TBC1D21: variants seen among roughly 807,000 people sequenced by gnomAD.
The protein encoded by TBC1D21 is male germ cell Rab GTPase-activating protein.
TBC1D21 carries 38 observed loss-of-function variants against 46.0 expected under a neutral mutation model. The ratio of observed to expected loss-of-function variants is 0.83; its 90% CI spans 0.64 to 1.08. TBC1D21 has a LOEUF of 1.08. TBC1D21 is among the 50% of genes least tolerant of loss of function. The pLI is 0.00. For synonymous variants in TBC1D21, 151 were observed against 157.2 expected (o/e 0.96, Z 0.29); for missense variants, 415 against 417.9 (o/e 0.99, Z 0.06).
downstream of TBC1D21, among the ~76,000 whole-genome samples, chr15:73,893,960 C>G (rs1184552419): frequency 1.3e-5 from 2 of 152,214 alleles, no homozygotes; most frequent in African/African-American, 4.8e-5. Flanking sequence ...TGTTCCACGC[C>G]TTGTGCTAAG....
chr15:73,889,320 A>T (rs966435823), downstream of TBC1D21: 1 of 551,766 alleles, frequency 1.8e-6, no homozygotes, highest in South Asian at 2.1e-5. Flanking sequence ...TGAGAGACAC[A>T]TTCTGAGACT....
At chr15:73,884,704 G>A (rs537052649) in intron 4 of TBC1D21, 77 bp from the exon 5 acceptor site, 4 of 1,021,080 alleles carry the variant, frequency 3.9e-6, no homozygotes, top group South Asian at 2.9e-5. Context: ...TGCCCATTGG[G>A]GTAGGGGAAG....
chr15:73,878,945 G>T (rs1287965484), intron 1 of TBC1D21, among the ~76,000 whole-genome samples: 1 of 152,184 alleles, frequency 6.6e-6, no homozygotes, highest in Non-Finnish European at 1.5e-5. Context: ...GGGGCAGAAA[G>T]CTTGCTCTGA....
downstream of TBC1D21, among the ~76,000 whole-genome samples, chr15:73,891,862 C>A (rs906801389): frequency 1.3e-5 from 2 of 152,224 alleles, no homozygotes; most frequent in African/African-American, 4.8e-5. Context: ...TCGGCATGGG[C>A]CTTCAGGCAC....
chr15:73,885,069 C>A lies in TBC1D21; in HGVS notation c.545C>A (p.Thr182Asn). 4 of 1,613,444 alleles carry A rather than the reference C, an allele frequency of 2.5e-6. No individual in the cohort carries two copies. The South Asian group carries it at 4.4e-5, about 18-fold the overall frequency. Reference protein sequence around the residue: ...FQLMVEHDHETFWLFQFFLQK... With the variant: ...FQLMVEHDHENFWLFQFFLQK... ...CTGATGGTGGAGCACGACCACGAGA[C>A]CTTCTGGCTTTTCCAGTTCTTCCTG... Residue 182 changes from threonine (T) to asparagine (N), a missense_variant, in exon 6 of 11, where the codon ACC becomes AAC. By Grantham distance (65) the Thr-to-Asn change is moderately conservative. Transcript: ENST00000300504.
chr15:73,909,679 C>T, the TBC1D21 span: 2 of 152,188 alleles, frequency 1.3e-5, no homozygotes, highest in African/African-American at 4.8e-5. Flanking sequence ...CTCTGCAGGA[C>T]TCATCACAGC....
chr15:73,882,826 C>T (rs144732330), intron 3 of TBC1D21, among the ~76,000 whole-genome samples: 1 of 152,342 alleles, frequency 6.6e-6, no homozygotes, highest in East Asian at 1.9e-4. Flanking sequence ...TGATGGGAAT[C>T]CTCCCTCCCT....
the TBC1D21 span, among the ~76,000 whole-genome samples, chr15:73,902,388 C>T: frequency 6.6e-6 from 1 of 152,184 alleles, no homozygotes; most frequent in Non-Finnish European, 1.5e-5. Flanking sequence ...TGAGCCCTAT[C>T]GGCCTGAGGG....
At chr15:73,880,100 T>A (rs1437045727) in intron 1 of TBC1D21, among the ~76,000 whole-genome samples, 2 of 152,060 alleles carry the variant, frequency 1.3e-5, no homozygotes, top group South Asian at 4.1e-4. Flanking sequence ...TTTCACCATG[T>A]TGCCCCAGGC....
chr15:73,893,094 A>G (rs959667064), downstream of TBC1D21, among the ~76,000 whole-genome samples: 1 of 152,062 alleles, frequency 6.6e-6, no homozygotes, highest in Non-Finnish European at 1.5e-5. Context: ...GATAGTGCTG[A>G]CTTTTCATTC....
the TBC1D21 span, among the ~76,000 whole-genome samples, chr15:73,894,679 C>T: frequency 1.2e-4 from 18 of 152,246 alleles, no homozygotes; most frequent in African/African-American, 4.3e-4. Context: ...GGGAGAGGCG[C>T]GCAGCTCTGG....
At chr15:73,909,480 C>T in the TBC1D21 span, among the ~76,000 whole-genome samples, 4 of 152,148 alleles carry the variant, frequency 2.6e-5, no homozygotes, top group East Asian at 1.9e-4. Context: ...ACGGGCTTCA[C>T]GAGAGATGAA....
the TBC1D21 span, among the ~76,000 whole-genome samples, chr15:73,902,960 C>T: frequency 6.6e-6 from 1 of 152,230 alleles, no homozygotes; most frequent in Non-Finnish European, 1.5e-5. Context: ...TCCCGCAGGT[C>T]TGCCTGCTTG....
the TBC1D21 span, among the ~76,000 whole-genome samples, chr15:73,902,818 G>T: frequency 6.6e-6 from 1 of 152,232 alleles, no homozygotes; most frequent in Non-Finnish European, 1.5e-5. Context: ...AGACAGAAGT[G>T]TGAGGTGTCA....
At chr15:73,891,069 C>T (rs766028388), downstream of TBC1D21, among the ~76,000 whole-genome samples, 4 of 152,202 alleles carry the variant, frequency 2.6e-5, no homozygotes. Flanking sequence ...AAGAGTGGAG[C>T]TTCTCTCAGC....
chr15:73,899,859 G>A, the TBC1D21 span, among the ~76,000 whole-genome samples: 4 of 152,144 alleles, frequency 2.6e-5, no homozygotes, highest in South Asian at 8.3e-4. Context: ...AGGCAGGAAC[G>A]CAGAGCACTT....
At chr15:73,882,676 A>G (rs1295461961) in intron 3 of TBC1D21, among the ~76,000 whole-genome samples, 1 of 152,248 alleles carries the variant, frequency 6.6e-6, no homozygotes, top group Non-Finnish European at 1.5e-5. Flanking sequence ...CTTGCCCATG[A>G]ACTTCAGTGC....
intron 1 of TBC1D21, among the ~76,000 whole-genome samples, chr15:73,876,184 T>C (rs1193547421): frequency 6.9e-6 from 1 of 143,982 alleles, no homozygotes; most frequent in Non-Finnish European, 1.5e-5. Context: ...GAAGAATCAG[T>C]GACTTTTTTT....
Position 73,873,659 on chromosome 15 carries a change from A to G in TBC1D21, c.-51A>G. On this transcript the variant is annotated 5_prime_UTR_variant, in exon 1 of 11. Coordinates refer to ENST00000300504, the MANE Select transcript of TBC1D21 (RefSeq NM_153356.3). ...TCTCCGAAAAGGATTAAGCATCACT[A>G]GGGCTCCAAGTGAGTTCTGATCAGA... The G allele has an allele frequency of 6.4e-7, 1 of 1,553,864 alleles. No individual in the cohort carries two copies. The highest frequency in any genetic ancestry group is 8.8e-7 in the Non-Finnish European group (1 of 1,139,392).
Sources: gnomAD v4.1 joint callset for allele counts (sites outside exome capture counted in the v4.1 genomes callset) on GRCh38, gnomAD v4.1.1 for gene constraint, MANE v1.5 for transcripts, NCBI Gene and HGNC (gene_info 2026-07-23, HGNC 2026-07-21) for gene names.